The following SESN1 variants were observed in gnomAD, a reference collection of about 807,000 sequenced individuals.
SESN1 encodes the protein sestrin-1.
Under a neutral mutation model 59.3 loss-of-function variants are expected in SESN1, and 30 were observed. The ratio of observed to expected loss-of-function variants is 0.51; its 90% CI spans 0.38 to 0.69. The LOEUF is 0.69. Ranked by LOEUF, SESN1 falls within the 30% of genes least tolerant of loss-of-function variation. The probability of loss-of-function intolerance (pLI) is 0.00; values close to 1 mark genes in which losing one functional copy is unlikely to be tolerated. For missense variants in SESN1, 566 were observed against 673.0 expected (o/e 0.84, Z 1.76); for synonymous variants, 197 against 219.9 (o/e 0.90, Z 0.92).
chr6:109,018,236 A>G (rs1233193755), intron 1 of SESN1, among the ~76,000 whole-genome samples: 1 of 152,244 alleles, frequency 6.6e-6, no homozygotes, highest in Non-Finnish European at 1.5e-5. Flanking sequence ...ACAAATGTAT[A>G]TCAACATTAA....
intron 1 of SESN1, among the ~76,000 whole-genome samples, chr6:109,028,576 G>A (rs1196936033): frequency 1.3e-5 from 2 of 152,102 alleles, no homozygotes; most frequent in Non-Finnish European, 2.9e-5. Context: ...TTTCTTCCGG[G>A]CAATACTAGG....
intron 1 of SESN1, among the ~76,000 whole-genome samples, chr6:109,032,434 T>C (rs918042746): frequency 1.3e-5 from 2 of 151,796 alleles, no homozygotes; most frequent in African/African-American, 2.4e-5. Context: ...CTGGCCAACA[T>C]AGTGAAACCC....
chr6:109,063,022 T>C (rs1416718822), intron 1 of SESN1, among the ~76,000 whole-genome samples: 8 of 152,118 alleles, frequency 5.3e-5, no homozygotes, highest in Middle Eastern at 3.2e-3. Context: ...CACTTCATAG[T>C]TGGTCTCAGG....
chr6:109,007,792 T>C (rs974775095), intron 1 of SESN1, among the ~76,000 whole-genome samples: 2 of 122,576 alleles, frequency 1.6e-5, no homozygotes, highest in African/African-American at 2.7e-5. Context: ...GTACTTTTTT[T>C]TTTTTTTTTT....
rs1175734918 is a variant in SESN1, at chr6:108,984,419, AGCTGT to A, written c.*3120_*3124del. 9.2e-5 allele frequency among the ~76,000 whole-genome samples: 14 copies of A among 152,172 alleles called. No homozygotes were observed. Among genetic ancestry groups the A allele is most frequent in the Admixed American group, 1.3e-4 (2 of 15,272 alleles). The stretch of plus-strand genomic sequence containing the variant: ...TTCTTCCTCACAGATGGCACACTCT[AGCTGT>A]GTCCTTTCATGGTAGAAGGGGAGCT... On this transcript the variant is annotated 3_prime_UTR_variant, in exon 10 of 10. Coordinates refer to ENST00000436639, the MANE Select transcript of SESN1 (RefSeq NM_014454.3).
intron 6 of SESN1, among the ~76,000 whole-genome samples, chr6:108,993,462 G>A (rs999660500): frequency 2.6e-5 from 4 of 151,872 alleles, no homozygotes; most frequent in Admixed American, 1.3e-4. Context: ...TACATCTTTA[G>A]GCATGGAAAC....
chr6:109,003,963 G>C (rs1223385726), intron 1 of SESN1, among the ~76,000 whole-genome samples: 1 of 152,122 alleles, frequency 6.6e-6, no homozygotes, highest in African/African-American at 2.4e-5. Context: ...GAAAATGCCT[G>C]TTTCAAGGGT....
intron 1 of SESN1, chr6:109,009,047 T>C (rs1779798725): frequency 2.1e-6 from 2 of 972,874 alleles, no homozygotes; most frequent in Non-Finnish European, 2.5e-6. Flanking sequence ...CAGACGACAA[T>C]GTTATTTACG....
At chr6:109,026,799 G>A (rs866203386) in intron 1 of SESN1, among the ~76,000 whole-genome samples, 14 of 151,836 alleles carry the variant, frequency 9.2e-5, no homozygotes, top group Middle Eastern at 3.4e-3. Context: ...CACTGCGCCC[G>A]GCCAGGTTTA....
chr6:109,078,351 C>T (rs759893801), intron 1 of SESN1, among the ~76,000 whole-genome samples: 5 of 151,914 alleles, frequency 3.3e-5, no homozygotes, highest in Non-Finnish European at 7.4e-5. Flanking sequence ...TGCTGTGCTC[C>T]AGCCTGGGTG....
intron 1 of SESN1, among the ~76,000 whole-genome samples, chr6:109,006,965 A>G (rs1779745102): frequency 6.6e-6 from 1 of 152,228 alleles, no homozygotes; most frequent in Non-Finnish European, 1.5e-5. Flanking sequence ...CAGAACTGCC[A>G]CCAACAAATG....
Sources: allele counts gnomAD v4.1 joint callset (sites outside exome capture counted in the v4.1 genomes callset), GRCh38; gene constraint gnomAD v4.1.1; transcripts MANE v1.5; gene names NCBI Gene and HGNC (gene_info 2026-07-23, HGNC 2026-07-21).